The following OR2T11 variants were observed in gnomAD, a reference collection of about 807,000 sequenced individuals.
OR2T11 encodes olfactory receptor family 2 subfamily T member 11, also known as olfactory receptor 2T11.
OR2T11 carries 14 observed loss-of-function variants against 13.5 expected under a neutral mutation model. The observed-to-expected ratio is 1.04, with a 90% CI of 0.69 to 1.62. The LOEUF is 1.62. Among genes scored for constraint, OR2T11 ranks in the 40% most tolerant of loss-of-function variants. The pLI, the probability that OR2T11 is intolerant of heterozygous loss-of-function variation, is 0.00. For synonymous variants in OR2T11, 163 were observed against 154.6 expected (o/e 1.05, Z -0.40); for missense variants, 410 against 389.7 (o/e 1.05, Z -0.44).
Position 248,624,536 on chromosome 1 carries a change from A to T in OR2T11, c.*1642T>A, listed in dbSNP as rs1660486860. Reference sequence around the variant, plus strand: ...TTTGTCTTAGATTTCTTCTAACCTCATAAAACCCTATCTTTCTAATTTTTC... The same window carrying T: ...TTTGTCTTAGATTTCTTCTAACCTCTTAAAACCCTATCTTTCTAATTTTTC... On this transcript the variant is annotated 3_prime_UTR_variant, in exon 2 of 2. Transcript: ENST00000641193. The T allele has an allele frequency of 2.1e-5, 3 of 143,120 alleles. 1 individual carries two copies. The highest frequency in any genetic ancestry group is 8.3e-5 in the African/African-American group (3 of 36,232). 8.9% of individuals were successfully genotyped at this position (143,120 alleles called of 1,614,324 possible).
rs1014220070 is a variant in OR2T11 at position 248,629,594 on chromosome 1, G to A, written c.-144-2322C>T. 8.0e-5 allele frequency among the ~76,000 whole-genome samples: 11 copies of A among 138,324 alleles called. 2 individuals carry two copies. Among genetic ancestry groups the A allele is most frequent in the Admixed American group, 2.8e-4 (4 of 14,252 alleles). The allele number at this position is 138,324 out of a possible 152,430, so 90.7% of individuals were successfully genotyped here. The stretch of plus-strand genomic sequence containing the variant: ...TCAGCACAACCATCAAAGTCACATC[G>A]GGACCCGTGCATCCCGCCACGCCAC... On this transcript the variant is annotated intron_variant, in intron 1 of 1. Coordinates refer to ENST00000641193, the MANE Select transcript of OR2T11 (RefSeq NM_001001964.2).
chr1:248,633,952 C>G (rs1175818990), intron 1 of OR2T11, among the ~76,000 whole-genome samples: 7 of 137,084 alleles, frequency 5.1e-5, no homozygotes, highest in Non-Finnish European at 9.3e-5. Flanking sequence ...ATAGAAATCA[C>G]TTATCAGTGA....
Position 248,627,615 on chromosome 1 carries a change from G to A in OR2T11, c.-144-343C>T, listed in dbSNP as rs138509557. ...AGGGTTAGGATAACTATTAGGGAAC[G>A]TTTTATTCACGAAGCCCCATGTTTC... On this transcript the variant is annotated intron_variant, in intron 1 of 1. Transcript: ENST00000641193. Among the ~76,000 whole-genome samples, 200 of 143,390 alleles carry A rather than the reference G, an allele frequency of 1.4e-3. 32 individuals carry two copies. The East Asian group carries it at 0.029, about 21-fold the overall frequency. 94.1% of individuals were successfully genotyped at this position (143,390 alleles called of 152,430 possible). A position where few individuals can be genotyped will look rare whatever the true frequency, so the allele number is the denominator to read the frequency against.
In OR2T11 at chr1:248,626,898, T is replaced by C. The variant is rs34674180; in HGVS notation, c.231A>G (p.Lys77=). ...CTTTAGAAACCATGTCTGCCAGGAG[T>C]TTTGGGACAGTGGTACAGATGAAAA... ...DTLFICTTVP[K]LLADMVSKEK... The change falls in exon 2 of 2, where the codon AAA becomes AAG. Residue 77 remains lysine, a synonymous_variant. Transcript: ENST00000641193. 136,450 of 1,567,286 alleles carry C rather than the reference T, an allele frequency of 0.087. 21,320 individuals carry two copies. The highest frequency in any genetic ancestry group is 0.2 in the East Asian group (8,525 of 43,490).
rs1369660488 is a variant in OR2T11, at chr1:248,633,998, T to TG, written c.-145+1039_-145+1040insC. Reference sequence around the variant, plus strand: ...AATTTAAGTAGTTTTTTGGTGTTTTTTTTTTTGCTTCTAGCATCACCCTTG... The same window carrying TG: ...AATTTAAGTAGTTTTTTGGTGTTTTTGTTTTTTGCTTCTAGCATCACCCTTG... On this transcript the variant is annotated intron_variant, in intron 1 of 1. Coordinates refer to ENST00000641193, the MANE Select transcript of OR2T11 (RefSeq NM_001001964.2). Among the ~76,000 whole-genome samples the TG allele has an allele frequency of 1.4e-5, 2 of 141,718 alleles. 1 individual carries two copies. The highest frequency in any genetic ancestry group is 5.5e-5 in the African/African-American group (2 of 36,062). The allele number at this position is 141,718 out of a possible 152,430, so 93.0% of individuals were successfully genotyped here. A position where few individuals can be genotyped will look rare whatever the true frequency, so the allele number is the denominator to read the frequency against.
chr1:248,627,358 A>G, intron 1 of OR2T11, 86 bp from the exon 2 acceptor site: 1 of 513,240 alleles, frequency 1.9e-6, no homozygotes, highest in East Asian at 3.3e-5. Context: ...CTCCTTCTAT[A>G]TTGCGTCTAT....
chr1:248,626,418 A>T lies in OR2T11; in HGVS notation c.711T>A (p.Thr237=). ...TAACTACAGTCAAGTGGGAGGAACAAGTGGTGAAGGCCTTTTTGCGACCTT... is the reference window on the plus strand; with the variant it reads ...TAACTACAGTCAAGTGGGAGGAACATGTGGTGAAGGCCTTTTTGCGACCTT... ...SAEGRKKAFT[T]CSSHLTVVSI... The change falls in exon 2 of 2, where the codon ACT becomes ACA. Residue 237 remains threonine, a synonymous_variant. Coordinates refer to ENST00000641193, the MANE Select transcript of OR2T11 (RefSeq NM_001001964.2). 6.4e-7 allele frequency: 1 copy of T among 1,571,796 alleles called. No individual in the cohort carries two copies. The highest frequency in any genetic ancestry group is 1.1e-5 in the South Asian group (1 of 88,870).
In OR2T11 at chr1:248,626,212, G is replaced by T; in HGVS notation, c.917C>A (p.Ser306Ter). 1 of 1,554,008 alleles carries T rather than the reference G, an allele frequency of 6.4e-7. No individual in the cohort carries two copies. The highest frequency in any genetic ancestry group is 1.1e-5 in the South Asian group (1 of 88,496). Residue 306 changes from serine to a stop codon, truncating the protein, a stop_gained, in exon 2 of 2, where the codon TCA (serine) becomes TAA (stop). Coordinates refer to ENST00000641193, the MANE Select transcript of OR2T11 (RefSeq NM_001001964.2). LOFTEE classifies it high-confidence loss of function. Reference protein sequence around the residue: ...GAFKKVFACCSSAQKVATSDA With the variant: ...GAFKKVFACC ...ACTTGTTGCTACTTTCTGAGCAGAT[G>T]AGCAACATGCAAATACCTTTTTAAA...
In OR2T11 at chr1:248,626,038, G is replaced by A. The variant is rs151311924; in HGVS notation, c.*140C>T. On this transcript the variant is annotated 3_prime_UTR_variant, in exon 2 of 2. Coordinates refer to ENST00000641193, the MANE Select transcript of OR2T11 (RefSeq NM_001001964.2). ...AGTAAAACATCTTTCCCTTGCTCCC[G>A]AGGAGCAAGAATCCAGACAGGGTGA... 81 of 560,916 alleles carry A rather than the reference G, an allele frequency of 1.4e-4. 21 individuals carry two copies. The African/African-American group carries it at 1.5e-3, about 10-fold the overall frequency. The allele number at this position is 560,916 out of a possible 1,614,324, so 34.7% of individuals were successfully genotyped here. A position where few individuals can be genotyped will look rare whatever the true frequency, so the allele number is the denominator to read the frequency against.
In OR2T11 at chr1:248,624,977, T is replaced by C. The variant is rs939269940; in HGVS notation, c.*1201A>G. 2 of 144,040 alleles carry C rather than the reference T, an allele frequency of 1.4e-5. No homozygotes were observed. The highest frequency in any genetic ancestry group is 5.4e-5 in the African/African-American group (2 of 36,718). 8.9% of individuals were successfully genotyped at this position (144,040 alleles called of 1,614,324 possible). On this transcript the variant is annotated 3_prime_UTR_variant, in exon 2 of 2. Transcript: ENST00000641193. ...CTGAGCTCAAGCAATCCACCCTCCT[T>C]GGTCTCCACTAAAGTGCTGGGAGTA...
chr1:248,634,112 A>G lies in OR2T11; in HGVS notation c.-145+926T>C, dbSNP rs1660653131. On this transcript the variant is annotated intron_variant, in intron 1 of 1. Coordinates refer to ENST00000641193, the MANE Select transcript of OR2T11 (RefSeq NM_001001964.2). ...TCTTCAAACCCGAGATGCCAAGGAA[A>G]CTTTCTTTTAAAGATTTTTAGAAGG... Among the ~76,000 whole-genome samples the G allele has an allele frequency of 1.4e-5, 2 of 142,578 alleles. 1 individual carries two copies. Among genetic ancestry groups the G allele is most frequent in the Non-Finnish European group, 3.0e-5 (2 of 66,152 alleles). The allele number at this position is 142,578 out of a possible 152,430, so 93.5% of individuals were successfully genotyped here.
Position 248,634,085 on chromosome 1 carries a change from T to A in OR2T11, c.-145+953A>T, listed in dbSNP as rs1414503436. On this transcript the variant is annotated intron_variant, in intron 1 of 1. Coordinates refer to ENST00000641193, the MANE Select transcript of OR2T11 (RefSeq NM_001001964.2). Reference sequence around the variant, plus strand: ...TTGTTAATCTTCAGTTTCCACGTCGTCTCTTCAAACCCGAGATGCCAAGGA... The same window carrying A: ...TTGTTAATCTTCAGTTTCCACGTCGACTCTTCAAACCCGAGATGCCAAGGA... 2.8e-5 allele frequency among the ~76,000 whole-genome samples: 4 copies of A among 142,218 alleles called. 1 individual carries two copies. Among genetic ancestry groups the A allele is most frequent in the African/African-American group, 5.5e-5 (2 of 36,056 alleles). The allele number at this position is 142,218 out of a possible 152,430, so 93.3% of individuals were successfully genotyped here. A position where few individuals can be genotyped will look rare whatever the true frequency, so the allele number is the denominator to read the frequency against.
intron 1 of OR2T11, among the ~76,000 whole-genome samples, chr1:248,634,683 G>A (rs4916147): frequency 0.86 from 116,206 of 135,468 alleles, 52,107 homozygotes; most frequent in South Asian, 0.94. Context: ...AGGACCTGAC[G>A]TTTCAGTCAT....
At position 248,625,487 on chromosome 1, in the gene OR2T11, T is replaced by G. The variant is rs1196692300; in HGVS notation, c.*691A>C. On this transcript the variant is annotated 3_prime_UTR_variant, in exon 2 of 2. Coordinates refer to ENST00000641193, the MANE Select transcript of OR2T11 (RefSeq NM_001001964.2). ...GTTAACGAACCTGGTATCCTGTTAA[T>G]ACATCCTCAAGGAAAGTGGCAGTCA... 7.0e-6 allele frequency: 1 copy of G among 143,800 alleles called. No homozygotes were observed. The highest frequency in any genetic ancestry group is 2.7e-5 in the African/African-American group (1 of 36,566). 8.9% of individuals were successfully genotyped at this position (143,800 alleles called of 1,614,324 possible). A position where few individuals can be genotyped will look rare whatever the true frequency, so the allele number is the denominator to read the frequency against.
Position 248,623,903 on chromosome 1 carries a change from T to G in OR2T11, c.*2275A>C, listed in dbSNP as rs1459834498. On this transcript the variant is annotated 3_prime_UTR_variant, in exon 2 of 2. Transcript: ENST00000641193. The stretch of plus-strand genomic sequence containing the variant: ...CAGATGTCTCTACTAGCTTATTAAC[T>G]TACCTCTTCTCCAAGATGATTCTCT... 7.1e-6 allele frequency: 1 copy of G among 140,020 alleles called. No homozygotes were observed. Among genetic ancestry groups the G allele is most frequent in the Non-Finnish European group, 1.5e-5 (1 of 64,692 alleles). The allele number at this position is 140,020 out of a possible 1,614,324, so 8.7% of individuals were successfully genotyped here.
intron 1 of OR2T11, among the ~76,000 whole-genome samples, chr1:248,633,658 G>GAAC (rs1660645238): frequency 1.5e-5 from 2 of 132,412 alleles, no homozygotes; most frequent in African/African-American, 6.1e-5. Context: ...CATGTTTTCT[G>GAAC]ATTTTAATTT....
chr1:248,626,988 C>A lies in OR2T11; in HGVS notation c.141G>T (p.Gln47His). Residue 47 changes from glutamine to histidine, a missense_variant, in exon 2 of 2, where the codon CAG (glutamine) becomes CAT (histidine). Physicochemically the swap from Gln to His is conservative, Grantham distance 24 (BLOSUM62 0). Transcript: ENST00000641193. ...TANLVMIFLIQVDSRLHTPMY... is the reference protein window; with the variant it reads ...TANLVMIFLIHVDSRLHTPMY... ...TGGGGGTGTGGAGGCGAGAGTCCAC[C>A]TGAATCAAGAATATCATGACCAAAT... 6.4e-7 allele frequency: 1 copy of A among 1,570,896 alleles called. No homozygotes were observed. The highest frequency in any genetic ancestry group is 1.1e-5 in the South Asian group (1 of 88,832).
At position 248,626,373 on chromosome 1, in the gene OR2T11, G is replaced by A. The variant is rs1183433876; in HGVS notation, c.756C>T (p.Ala252=). 3 of 1,572,920 alleles carry A rather than the reference G, an allele frequency of 1.9e-6. 1 individual carries two copies. The highest frequency in any genetic ancestry group is 3.0e-5 in the African/African-American group (2 of 66,924). Residue 252 remains alanine (A), a synonymous_variant, in exon 2 of 2, where the codon GCC becomes GCT. Coordinates refer to ENST00000641193, the MANE Select transcript of OR2T11 (RefSeq NM_001001964.2). ...LTVVSIFYGA[A]FYTYVLPQSF... is the part of the protein sequence containing the mutation. ...ACTGGGGCAGCACGTATGTGTAGAAGGCAGCCCCATAGAAGATGCTAACTA... is the reference window on the plus strand; with the variant it reads ...ACTGGGGCAGCACGTATGTGTAGAAAGCAGCCCCATAGAAGATGCTAACTA...
At chr1:248,627,766 G>A (rs916143216) in intron 1 of OR2T11, among the ~76,000 whole-genome samples, 2 of 142,382 alleles carry the variant, frequency 1.4e-5, no homozygotes, top group Admixed American at 6.8e-5. Context: ...CGTAGGTTGT[G>A]CTCACATTAC....
Sources: gnomAD v4.1 joint callset for allele counts (sites outside exome capture counted in the v4.1 genomes callset) on GRCh38, gnomAD v4.1.1 for gene constraint, MANE v1.5 for transcripts, NCBI Gene and HGNC (gene_info 2026-07-23, HGNC 2026-07-21) for gene names.